ANKRD12: variants seen among roughly 807,000 people sequenced by gnomAD.
ANKRD12 encodes ankyrin repeat domain-containing protein 12.
A neutral mutation model predicts 183.4 loss-of-function variants in ANKRD12; 85 were observed. That is an observed-to-expected ratio of 0.46 (90% CI 0.39 to 0.56). The LOEUF is 0.56. Ranked by LOEUF, ANKRD12 falls within the 20% of genes least tolerant of loss-of-function variation. The pLI is 0.00. For synonymous variants in ANKRD12, 914 were observed against 800.2 expected (o/e 1.14, Z -2.40); for missense variants, 2,405 against 2,357.1 (o/e 1.02, Z -0.42).
intron 1 of ANKRD12, among the ~76,000 whole-genome samples, chr18:9,142,252 A>T (rs1004291024): frequency 4.6e-5 from 7 of 152,232 alleles, no homozygotes; most frequent in African/African-American, 7.2e-5. Context: ...ATAGTAACTT[A>T]AAAATTACAG....
At position 9,275,637 on chromosome 18, in the gene ANKRD12, C is replaced by A; in HGVS notation, c.5877C>A (p.Ala1959=). 1 of 1,602,354 alleles carries A rather than the reference C, an allele frequency of 6.2e-7. No homozygotes were observed. The highest frequency in any genetic ancestry group is 8.5e-7 in the Non-Finnish European group (1 of 1,171,694). Residue 1959 remains alanine (A), a synonymous_variant, in exon 11 of 13, where the codon GCC becomes GCA. Coordinates refer to ENST00000262126, the MANE Select transcript of ANKRD12 (RefSeq NM_015208.5). ...GTGCTTGTACTGTTTTGCTGGATGC[C>A]GAAGTATACAATGTACCATTGGACT... ...PFSACTVLLD[A]EVYNVPLDSQ...
At chr18:9,217,713 T>C (rs2036190605) in intron 7 of ANKRD12, among the ~76,000 whole-genome samples, 1 of 152,212 alleles carries the variant, frequency 6.6e-6, no homozygotes, top group Admixed American at 6.5e-5. Context: ...TGTACAAACC[T>C]ATATCATAGC....
At chr18:9,239,855 CTAAG>C (rs1435297308) in intron 8 of ANKRD12, among the ~76,000 whole-genome samples, 2 of 152,202 alleles carry the variant, frequency 1.3e-5, no homozygotes, top group East Asian at 3.9e-4. Context: ...TTTGGAGTAA[CTAAG>C]AGGGTATCAT....
chr18:9,203,851 C>T (rs543739998), intron 3 of ANKRD12, among the ~76,000 whole-genome samples: 2 of 152,302 alleles, frequency 1.3e-5, no homozygotes, highest in South Asian at 4.1e-4. Flanking sequence ...GTAATCCACC[C>T]ACCTTGGCCT....
chr18:9,230,115 G>A (rs1598626459), intron 8 of ANKRD12, among the ~76,000 whole-genome samples: 1 of 152,174 alleles, frequency 6.6e-6, no homozygotes, highest in African/African-American at 2.4e-5. Flanking sequence ...GAATTCTGCA[G>A]TGAGTCCATC....
chr18:9,237,295 G>A (rs1418650419), intron 8 of ANKRD12, among the ~76,000 whole-genome samples: 1 of 152,210 alleles, frequency 6.6e-6, no homozygotes, highest in Non-Finnish European at 1.5e-5. Flanking sequence ...GTGAATGGAG[G>A]TGTGAATTGG....
chr18:9,177,562 T>G (rs551217697), intron 1 of ANKRD12, among the ~76,000 whole-genome samples: 1 of 152,344 alleles, frequency 6.6e-6, no homozygotes, highest in East Asian at 1.9e-4. Context: ...TATTTGTCAA[T>G]TCTGCTTTGG....
At chr18:9,271,073 G>A (rs1448988822) in intron 10 of ANKRD12, among the ~76,000 whole-genome samples, 1 of 152,004 alleles carries the variant, frequency 6.6e-6, no homozygotes, top group Non-Finnish European at 1.5e-5. Flanking sequence ...ACAACTGCAG[G>A]GATTTTCTTT....
At chr18:9,247,032 C>T (rs922669251) in intron 8 of ANKRD12, among the ~76,000 whole-genome samples, 1 of 152,194 alleles carries the variant, frequency 6.6e-6, no homozygotes, top group African/African-American at 2.4e-5. Context: ...ATTTTGTATA[C>T]ATTTATTTGA....
chr18:9,214,940 A>G (rs957927186), intron 6 of ANKRD12, among the ~76,000 whole-genome samples: 1 of 152,192 alleles, frequency 6.6e-6, no homozygotes, highest in African/African-American at 2.4e-5. Context: ...AAGTCATTAT[A>G]CAACAATTTT....
In ANKRD12 at chr18:9,257,296, T is replaced by G. The variant is rs765705965; in HGVS notation, c.4029T>G (p.Ser1343Arg). 3.7e-6 allele frequency: 6 copies of G among 1,614,134 alleles called. No homozygotes were observed. The highest frequency in any genetic ancestry group is 5.1e-6 in the Non-Finnish European group (6 of 1,179,982). ...GSLLTVPGDT[S>R]PSPKPEVFSN... ...TATTAACTGTGCCAGGAGATACTAGTCCTTCTCCCAAACCTGAGGTATTCT... is the reference window on the plus strand; with the variant it reads ...TATTAACTGTGCCAGGAGATACTAGGCCTTCTCCCAAACCTGAGGTATTCT... The change falls in exon 9 of 13, where the codon AGT becomes AGG. Residue 1343 changes from serine to arginine, a missense_variant. By Grantham distance (110) the Ser-to-Arg change is moderately radical (BLOSUM62 -1). Around this residue, in one of 7 missense-constraint regions of ANKRD12, gnomAD observed 1,983 missense variants for 1,725.9 expected, o/e 1.15. Transcript: ENST00000262126.
intron 10 of ANKRD12, among the ~76,000 whole-genome samples, chr18:9,271,808 T>C (rs1259173198): frequency 6.6e-6 from 1 of 152,208 alleles, no homozygotes; most frequent in Non-Finnish European, 1.5e-5. Flanking sequence ...ATATTCATGA[T>C]TGAAAGAAAT....
chr18:9,150,017 G>C (rs559803566), intron 1 of ANKRD12, among the ~76,000 whole-genome samples: 3 of 151,942 alleles, frequency 2.0e-5, no homozygotes, highest in African/African-American at 7.2e-5. Context: ...GGCTGGTCTC[G>C]ACCTCCTGAC....
intron 1 of ANKRD12, among the ~76,000 whole-genome samples, chr18:9,138,279 G>A (rs1466593737): frequency 6.6e-6 from 1 of 152,228 alleles, no homozygotes; most frequent in African/African-American, 2.4e-5. Flanking sequence ...TTGGGAGGCC[G>A]ACGTGGGTAG....
At chr18:9,270,577 G>A (rs1426209783) in intron 10 of ANKRD12, among the ~76,000 whole-genome samples, 1 of 152,102 alleles carries the variant, frequency 6.6e-6, no homozygotes, top group African/African-American at 2.4e-5. Flanking sequence ...AGAACACATG[G>A]ACACAGGAAG....
At chr18:9,272,908 CAGG>C (rs1200500734) in intron 10 of ANKRD12, among the ~76,000 whole-genome samples, 1 of 151,868 alleles carries the variant, frequency 6.6e-6, no homozygotes, top group Admixed American at 6.6e-5. Flanking sequence ...TTTTCTCCAT[CAGG>C]AGAAGACCAA....
Position 9,158,645 on chromosome 18 carries a change from G to A in ANKRD12, c.-52+21680G>A, listed in dbSNP as rs75180660. 1.6e-3 allele frequency among the ~76,000 whole-genome samples: 248 copies of A among 152,186 alleles called. 6 individuals carry two copies. In the East Asian group the frequency reaches 0.038, roughly 23 times the overall value. ...TATTAGCATTAACCTTGATCACCTG[G>A]CTGATAATAGTATTTGTCAGGTTTC... On this transcript the variant is annotated intron_variant, in intron 1 of 12. Transcript: ENST00000262126.
intron 1 of ANKRD12, among the ~76,000 whole-genome samples, chr18:9,142,049 A>G (rs1045418797): frequency 6.6e-6 from 1 of 152,152 alleles, no homozygotes; most frequent in Non-Finnish European, 1.5e-5. Context: ...GGTCTTAGCC[A>G]CCTTACCTTG....
intron 7 of ANKRD12, among the ~76,000 whole-genome samples, chr18:9,217,156 T>C (rs1225707198): frequency 6.6e-6 from 1 of 152,248 alleles, no homozygotes; most frequent in Non-Finnish European, 1.5e-5. Flanking sequence ...CAAGGCATTC[T>C]TTATAAGACA....
Sources: gnomAD v4.1 joint callset for allele counts (sites outside exome capture counted in the v4.1 genomes callset) on GRCh38, gnomAD v4.1.1 for gene constraint, gnomAD v4.1.1 regional missense constraint, MANE v1.5 for transcripts, NCBI Gene and HGNC (gene_info 2026-07-23, HGNC 2026-07-21) for gene names.